Variants in DLG2 observed in about 807,000 individuals in gnomAD.
DLG2 encodes disks large homolog 2.
DLG2 carries 45 observed loss-of-function variants against 132.5 expected under a neutral mutation model. The observed-to-expected ratio is 0.34, with a 90% CI of 0.27 to 0.44. The LOEUF is 0.44. DLG2 is among the 20% of genes least tolerant of loss of function. The pLI is 1.00. For missense variants in DLG2, 1,045 were observed against 1,196.9 expected (o/e 0.87, Z 1.87); for synonymous variants, 424 against 419.6 (o/e 1.01, Z -0.13).
Position 83,582,882 on chromosome 11 carries a change from T to C in DLG2, c.1941-41024A>G, listed in dbSNP as rs145168852. Among the ~76,000 whole-genome samples, 137 of 152,348 alleles carry C rather than the reference T, an allele frequency of 9.0e-4. 1 individual carries two copies. In the South Asian group the frequency reaches 9.1e-3, roughly 10 times the overall value. ...CACAGAGATGCATTATTATCATTGT[T>C]GCTAAAAAGTATAACAACCCAGCAG... is the stretch of plus-strand genomic sequence containing the variant. On this transcript the variant is annotated intron_variant, in intron 19 of 27. Transcript: ENST00000376104.
At chr11:84,133,625 TTCC>T (rs1034644302) in intron 9 of DLG2, among the ~76,000 whole-genome samples, 3 of 38,692 alleles carry the variant, frequency 7.8e-5, no homozygotes, top group Non-Finnish European at 1.6e-4. Flanking sequence ...GAATAATTTT[TTCC>T]TTCTTCTTCT....
chr11:85,286,149 T>C (rs773066321), intron 3 of DLG2: 3 of 448,034 alleles, frequency 6.7e-6, no homozygotes, highest in South Asian at 1.6e-5. Context: ...AAGGAAACTA[T>C]ACAAAAGCAT....
At chr11:84,840,193 G>A (rs570279268) in intron 6 of DLG2, among the ~76,000 whole-genome samples, 11 of 152,118 alleles carry the variant, frequency 7.2e-5, no homozygotes, top group Non-Finnish European at 1.2e-4. Context: ...ATGAACAGGT[G>A]CTTCTCAAAA....
At chr11:83,566,818 A>G (rs1363067437) in intron 19 of DLG2, among the ~76,000 whole-genome samples, 1 of 152,038 alleles carries the variant, frequency 6.6e-6, no homozygotes, top group Non-Finnish European at 1.5e-5. Flanking sequence ...TCACAGTAGC[A>G]GAACATCTCA....
chr11:84,378,180 G>T (rs2098736581), intron 7 of DLG2, among the ~76,000 whole-genome samples: 1 of 152,268 alleles, frequency 6.6e-6, no homozygotes, highest in Non-Finnish European at 1.5e-5. Context: ...ATAAGGGTAG[G>T]GCTGTGATTT....
intron 7 of DLG2, among the ~76,000 whole-genome samples, chr11:84,322,524 G>A (rs1445805203): frequency 6.6e-6 from 1 of 151,964 alleles, no homozygotes; most frequent in Non-Finnish European, 1.5e-5. Flanking sequence ...AAAACATGAA[G>A]AGAATCCTAA....
chr11:84,969,821 T>C (rs1432895131), intron 6 of DLG2, among the ~76,000 whole-genome samples: 2 of 152,082 alleles, frequency 1.3e-5, no homozygotes, highest in Non-Finnish European at 2.9e-5. Flanking sequence ...ACATACACCA[T>C]GGAATACTAT....
chr11:85,200,498 C>T (rs2081382513), intron 4 of DLG2, among the ~76,000 whole-genome samples: 1 of 152,198 alleles, frequency 6.6e-6, no homozygotes, highest in African/African-American at 2.4e-5. Context: ...CTCCATCCTA[C>T]AGCGGTTCCC....
At chr11:84,379,333 A>T (rs2098741248) in intron 7 of DLG2, among the ~76,000 whole-genome samples, 1 of 152,172 alleles carries the variant, frequency 6.6e-6, no homozygotes, top group African/African-American at 2.4e-5. Flanking sequence ...CTAAAAACAG[A>T]GAGCTGATGT....
chr11:84,908,952 A>T (rs1039095673), intron 6 of DLG2, among the ~76,000 whole-genome samples: 1 of 151,920 alleles, frequency 6.6e-6, no homozygotes, highest in African/African-American at 2.4e-5. Flanking sequence ...CTAGCTCATG[A>T]TCACACAGCT....
chr11:85,292,146 A>G (rs907465702), intron 3 of DLG2, among the ~76,000 whole-genome samples: 1 of 152,136 alleles, frequency 6.6e-6, no homozygotes, highest in Non-Finnish European at 1.5e-5. Context: ...CTTATCCTGT[A>G]TCCATATCCC....
At chr11:85,226,584 A>G (rs959412536) in intron 4 of DLG2, among the ~76,000 whole-genome samples, 1 of 152,164 alleles carries the variant, frequency 6.6e-6, no homozygotes, top group African/African-American at 2.4e-5. Context: ...TACAGACACG[A>G]TAACAGAAAG....
At position 83,962,982 on chromosome 11, in the gene DLG2, T is replaced by C; in HGVS notation, c.1243A>G (p.Asn415Asp). The C allele has an allele frequency of 6.2e-7, 1 of 1,613,084 alleles. No homozygotes were observed. The highest frequency in any genetic ancestry group is 1.7e-4 in the Middle Eastern group (1 of 6,060). The change falls in exon 14 of 28, where the codon AAT becomes GAT. Residue 415 changes from asparagine (N) to aspartate (D), a missense_variant. Asn to Asp is a conservative substitution (Grantham distance 23). Transcript: ENST00000376104. ...GAGGTTTTATATTCTAAAGTGCCAT[T>C]GTTGCCAGAGAGTAGATGGTTTTCC... ...PMENHLLSGN[N>D]GTLEYKTSLP...
chr11:83,823,817 G>A (rs560295110), intron 17 of DLG2, among the ~76,000 whole-genome samples: 5 of 152,250 alleles, frequency 3.3e-5, no homozygotes, highest in East Asian at 1.9e-4. Context: ...TACAGCCTTC[G>A]TATACAATGG....
At chr11:84,867,272 T>C (rs2084715144) in intron 6 of DLG2, among the ~76,000 whole-genome samples, 1 of 152,218 alleles carries the variant, frequency 6.6e-6, no homozygotes, top group Non-Finnish European at 1.5e-5. Context: ...TTTGAACACG[T>C]GCTGGAAGTG....
chr11:85,027,428 C>T (rs180713323), intron 6 of DLG2, among the ~76,000 whole-genome samples: 41 of 152,242 alleles, frequency 2.7e-4, no homozygotes, highest in Middle Eastern at 3.4e-3. Context: ...ACCTCTGTGG[C>T]AGGCAGCGCC....
At chr11:85,469,650 G>A (rs1284876228) in intron 3 of DLG2, 1 of 152,192 alleles carries the variant, frequency 6.6e-6, no homozygotes, top group African/African-American at 2.4e-5. Flanking sequence ...GTGGTCAGTG[G>A]ATTCGCATAC....
chr11:84,001,760 T>A (rs1365627009), intron 11 of DLG2, among the ~76,000 whole-genome samples: 1 of 152,082 alleles, frequency 6.6e-6, no homozygotes, highest in Admixed American at 6.6e-5. Flanking sequence ...TCACATGGAA[T>A]AAAATTATAA....
chr11:85,547,034 A>C (rs2153217786), intron 3 of DLG2, among the ~76,000 whole-genome samples: 1 of 152,172 alleles, frequency 6.6e-6, no homozygotes, highest in East Asian at 1.9e-4. Context: ...GTGTGAATTT[A>C]ATCCCTCCAT....
Sources: gnomAD v4.1 joint callset for allele counts (sites outside exome capture counted in the v4.1 genomes callset) on GRCh38, gnomAD v4.1.1 for gene constraint, MANE v1.5 for transcripts, NCBI Gene and HGNC (gene_info 2026-07-23, HGNC 2026-07-21) for gene names.